Variants in GPC6 observed in about 807,000 individuals in gnomAD.
The protein encoded by GPC6 is glypican-6.
GPC6 carries 14 observed loss-of-function variants against 55.2 expected under a neutral mutation model. The ratio of observed to expected loss-of-function variants is 0.25; its 90% confidence interval spans 0.17 to 0.40. The LOEUF (loss-of-function observed/expected upper bound fraction) is 0.40. GPC6 is among the 10% of genes least tolerant of loss of function. The pLI is 1.00. For synonymous variants in GPC6, 278 were observed against 259.6 expected, an observed-to-expected ratio of 1.07 and a Z score of -0.68; for missense variants, 641 against 708.5, an observed-to-expected ratio of 0.90 and a Z score of 1.08.
At chr13:94,238,489 G>A (rs1203677807) in intron 4 of GPC6, among the ~76,000 whole-genome samples, 1 of 152,076 alleles carries the variant, frequency 6.6e-6, no homozygotes, top group Non-Finnish European at 1.5e-5. Context: ...GGGCACAGTG[G>A]GCTTTCACCA....
At chr13:94,043,346 ATTAT>A (rs917195827) in intron 4 of GPC6, among the ~76,000 whole-genome samples, 5 of 151,844 alleles carry the variant, frequency 3.3e-5, no homozygotes, top group Non-Finnish European at 7.4e-5. Context: ...ATTTATATTT[ATTAT>A]TTATTTATCA....
At position 93,476,520 on chromosome 13, in the gene GPC6, T is replaced by C. The variant is rs369716074; in HGVS notation, c.161-68743T>C. On this transcript the variant is annotated intron_variant, in intron 1 of 8. Coordinates refer to ENST00000377047, the MANE Select transcript of GPC6 (RefSeq NM_005708.5). The stretch of plus-strand genomic sequence containing the variant: ...CACCTCAGTTCATCAGTAAACACTA[T>C]TTACAAAAAATGTATCCATAAGTTT... 1.5e-3 allele frequency among the ~76,000 whole-genome samples: 226 copies of C among 152,254 alleles called. 7 individuals carry two copies. In the South Asian group the frequency reaches 0.045, roughly 30 times the overall value.
At chr13:94,246,937 T>C (rs1891215334) in intron 4 of GPC6, among the ~76,000 whole-genome samples, 1 of 152,094 alleles carries the variant, frequency 6.6e-6, no homozygotes, top group Non-Finnish European at 1.5e-5. Flanking sequence ...GAGATTATAT[T>C]GCTTTAAGCA....
intron 6 of GPC6, among the ~76,000 whole-genome samples, chr13:94,362,610 A>G (rs985566861): frequency 1.3e-5 from 2 of 152,176 alleles, no homozygotes; most frequent in Non-Finnish European, 2.9e-5. Flanking sequence ...GGTGGCCTCT[A>G]AATGCCTGGA....
intron 1 of GPC6, among the ~76,000 whole-genome samples, chr13:93,443,971 G>A (rs75480524): frequency 0.026 from 3,953 of 152,138 alleles, 194 homozygotes; most frequent in African/African-American, 0.09. Context: ...CATTATATCC[G>A]CTTGGGAGAG....
At position 94,406,709 on chromosome 13, in the gene GPC6, G is replaced by A. The variant is rs1415458474; in HGVS notation, c.*3492G>A. The stretch of plus-strand genomic sequence containing the variant: ...TTAATTCTTTTGCCATTACATACAT[G>A]TTTCGGCTACAGACTGAACACGAAC... On this transcript the variant is annotated 3_prime_UTR_variant, in exon 9 of 9. Transcript: ENST00000377047. 1 of 152,058 alleles carries A rather than the reference G, an allele frequency of 6.6e-6. No homozygotes were observed. Among genetic ancestry groups the A allele is most frequent in the Admixed American group, 6.6e-5 (1 of 15,266 alleles). The allele number at this position is 152,058 out of a possible 1,614,324, so 9.4% of individuals were successfully genotyped here. A position where few individuals can be genotyped will look rare whatever the true frequency, so the allele number is the denominator to read the frequency against.
At chr13:93,454,100 C>T (rs1262974825) in intron 1 of GPC6, among the ~76,000 whole-genome samples, 1 of 152,072 alleles carries the variant, frequency 6.6e-6, no homozygotes, top group Non-Finnish European at 1.5e-5. Context: ...CAAGGCCCCA[C>T]CAGAGTAGCT....
chr13:93,627,692 T>C (rs1879259993), intron 2 of GPC6, among the ~76,000 whole-genome samples: 1 of 121,056 alleles, frequency 8.3e-6, no homozygotes, highest in African/African-American at 2.6e-5. Context: ...ATTAGGTTTC[T>C]ATTATTTTCT....
At chr13:93,367,225 T>C (rs1881282308) in intron 1 of GPC6, among the ~76,000 whole-genome samples, 1 of 152,110 alleles carries the variant, frequency 6.6e-6, no homozygotes, top group African/African-American at 2.4e-5. Flanking sequence ...CACTCTTTGT[T>C]AAATAATAGT....
At chr13:93,352,661 G>A (rs1172278427) in intron 1 of GPC6, among the ~76,000 whole-genome samples, 2 of 152,084 alleles carry the variant, frequency 1.3e-5, no homozygotes, top group Non-Finnish European at 2.9e-5. Context: ...GGAGGAGTGG[G>A]GAGTGGAAGG....
rs950605323 is a variant in GPC6 at position 93,493,952 on chromosome 13, C to T, written c.161-51311C>T. Among the ~76,000 whole-genome samples, 3 of 118,834 alleles carry T rather than the reference C, an allele frequency of 2.5e-5. 1 individual carries two copies. Among genetic ancestry groups the T allele is most frequent in the African/African-American group, 9.3e-5 (3 of 32,224 alleles). The allele number at this position is 118,834 out of a possible 152,430, so 78.0% of individuals were successfully genotyped here. On this transcript the variant is annotated intron_variant, in intron 1 of 8. Transcript: ENST00000377047. The stretch of plus-strand genomic sequence containing the variant: ...AGTGCTTTACTTCCAACTCTGTGGT[C>T]AATTTTGGAATAGGTGTGGTGTGAT...
At chr13:93,686,656 A>T (rs1882058176) in intron 2 of GPC6, among the ~76,000 whole-genome samples, 1 of 152,200 alleles carries the variant, frequency 6.6e-6, no homozygotes, top group South Asian at 2.1e-4. Flanking sequence ...ATACATTGTG[A>T]ATCATTCTTT....
chr13:93,393,127 T>TATATATATATATATATATATAGAG (rs1230857277), intron 1 of GPC6, among the ~76,000 whole-genome samples: 1 of 87,622 alleles, frequency 1.1e-5, no homozygotes, highest in South Asian at 3.9e-4. Flanking sequence ...TATATATATA[T>TATATATATATATATATATATAGAG]AGAGAGAGAG....
At chr13:94,005,053 C>G (rs1264324285) in intron 3 of GPC6, among the ~76,000 whole-genome samples, 2 of 152,096 alleles carry the variant, frequency 1.3e-5, no homozygotes, top group African/African-American at 4.8e-5. Flanking sequence ...GCAACAGAGG[C>G]TGACTCCATC....
intron 2 of GPC6, among the ~76,000 whole-genome samples, chr13:93,609,645 C>A (rs539733601): frequency 1.3e-5 from 2 of 152,252 alleles, no homozygotes; most frequent in East Asian, 3.9e-4. Flanking sequence ...CCTAAAAATT[C>A]CTATGTGACT....
At chr13:94,075,501 G>T (rs1276834597) in intron 4 of GPC6, among the ~76,000 whole-genome samples, 2 of 151,996 alleles carry the variant, frequency 1.3e-5, no homozygotes, top group Non-Finnish European at 2.9e-5. Flanking sequence ...AATTTTAAGT[G>T]CACATTACCA....
intron 3 of GPC6, among the ~76,000 whole-genome samples, chr13:93,875,031 AAG>A (rs937467425): frequency 6.6e-6 from 1 of 151,920 alleles, no homozygotes; most frequent in Non-Finnish European, 1.5e-5. Context: ...AAGTTCTCAA[AAG>A]AGAGAGAGAG....
intron 3 of GPC6, among the ~76,000 whole-genome samples, chr13:93,880,393 T>G (rs1874884736): frequency 6.6e-6 from 1 of 152,032 alleles, no homozygotes; most frequent in South Asian, 2.1e-4. Flanking sequence ...CCATAAAAAA[T>G]GATGAGTTCA....
intron 1 of GPC6, among the ~76,000 whole-genome samples, chr13:93,390,611 T>C (rs938051864): frequency 9.2e-5 from 14 of 152,174 alleles, no homozygotes; most frequent in Admixed American, 2.6e-4. Context: ...TTAGTTTCCA[T>C]TTCTGGGGTG....
Sources: gnomAD v4.1 joint callset for allele counts (sites outside exome capture counted in the v4.1 genomes callset) on GRCh38, gnomAD v4.1.1 for gene constraint, MANE v1.5 for transcripts, NCBI Gene and HGNC (gene_info 2026-07-23, HGNC 2026-07-21) for gene names.